The following KLHDC10 variants were observed in gnomAD, a reference collection of about 807,000 sequenced individuals.
The protein encoded by KLHDC10 is kelch domain-containing protein 10.
A neutral mutation model predicts 56.1 loss-of-function variants in KLHDC10; 24 were observed. The observed-to-expected ratio is 0.43, with a 90% CI of 0.31 to 0.60. The LOEUF (loss-of-function observed/expected upper bound fraction) is 0.60. Among genes scored for constraint, KLHDC10 ranks in the 20% least tolerant of loss-of-function variants. The pLI, the probability that KLHDC10 is intolerant of heterozygous loss-of-function variation, is 0.11. For missense variants in KLHDC10, 349 were observed against 567.0 expected (o/e 0.62, Z 3.91); for synonymous variants, 188 against 207.1 (o/e 0.91, Z 0.79).
chr7:130,126,402 G>A (rs190853183), intron 7 of KLHDC10, among the ~76,000 whole-genome samples: 45 of 152,306 alleles, frequency 3.0e-4, no homozygotes, highest in Non-Finnish European at 4.3e-4. Flanking sequence ...AGGGCTGGGC[G>A]TGGTGGCTCA....
At chr7:130,080,534 A>G (rs937697771) in intron 1 of KLHDC10, among the ~76,000 whole-genome samples, 1 of 152,012 alleles carries the variant, frequency 6.6e-6, no homozygotes, top group Admixed American at 6.6e-5. Flanking sequence ...CTGGGACTAC[A>G]GGTGTACACC....
chr7:130,099,699 G>A (rs1284043961), intron 2 of KLHDC10, among the ~76,000 whole-genome samples: 1 of 152,230 alleles, frequency 6.6e-6, no homozygotes, highest in Admixed American at 6.5e-5. Flanking sequence ...AAAAGAGGCT[G>A]GAGAGGGCCC....
chr7:130,102,948 C>T (rs1469363054), intron 2 of KLHDC10, among the ~76,000 whole-genome samples: 3 of 152,154 alleles, frequency 2.0e-5, no homozygotes, highest in Non-Finnish European at 4.4e-5. Context: ...TTAAACAATA[C>T]ACTTAAGACT....
intron 3 of KLHDC10, among the ~76,000 whole-genome samples, chr7:130,119,408 A>G (rs7789865): frequency 0.013 from 1,972 of 151,884 alleles, 43 homozygotes; most frequent in African/African-American, 0.045. Context: ...GCTACTTGGG[A>G]AATTGAGGCA....
At chr7:130,077,657 G>A (rs1334386086) in intron 1 of KLHDC10, among the ~76,000 whole-genome samples, 1 of 145,290 alleles carries the variant, frequency 6.9e-6, no homozygotes, top group Non-Finnish European at 1.5e-5. Flanking sequence ...CCGGGTTCAC[G>A]CCATTCTCCT....
chr7:130,103,786 C>T (rs982626803), intron 2 of KLHDC10, among the ~76,000 whole-genome samples: 5 of 152,066 alleles, frequency 3.3e-5, no homozygotes, highest in African/African-American at 1.2e-4. Flanking sequence ...TGAAGATGTA[C>T]TCTGGTAAAA....
In KLHDC10 at chr7:130,070,685, A is replaced by G; in HGVS notation, c.42A>G (p.Gly14=). The G allele has an allele frequency of 1.5e-6, 2 of 1,296,906 alleles. No homozygotes were observed. Among genetic ancestry groups the G allele is most frequent in the Non-Finnish European group, 2.0e-6 (2 of 1,016,838 alleles). 80.3% of individuals were successfully genotyped at this position (1,296,906 alleles called of 1,614,324 possible). The change falls in exon 1 of 10, where the codon GGA becomes GGG. Residue 14 remains glycine (G), a synonymous_variant. Transcript: ENST00000335420. ...GCTGGGACAGGAACCGCCGGAGGGGAGGAGGCGCCGCCGGCGCTGGTGGCG... is the reference window on the plus strand; with the variant it reads ...GCTGGGACAGGAACCGCCGGAGGGGGGGAGGCGCCGCCGGCGCTGGTGGCG... ...AQGWDRNRRR[G]GGAAGAGGGG... is the part of the protein sequence containing the mutation.
chr7:130,096,550 G>T (rs1795851694), intron 1 of KLHDC10, among the ~76,000 whole-genome samples: 1 of 152,098 alleles, frequency 6.6e-6, no homozygotes, highest in Non-Finnish European at 1.5e-5. Flanking sequence ...ATTAGTTTCA[G>T]AGCTCCATTT....
chr7:130,072,983 T>G (rs1795439388), intron 1 of KLHDC10, among the ~76,000 whole-genome samples: 1 of 152,084 alleles, frequency 6.6e-6, no homozygotes, highest in African/African-American at 2.4e-5. Context: ...CTTGAACTCC[T>G]GACCTCAGGT....
intron 6 of KLHDC10, 108 bp from the exon 7 acceptor site, chr7:130,125,757 C>G (rs936725720): frequency 1.2e-6 from 1 of 861,340 alleles, no homozygotes; most frequent in Admixed American, 3.0e-5. Context: ...TTGCTGTGAA[C>G]TGAAAACTGC....
intron 6 of KLHDC10, 62 bp downstream of exon 6, chr7:130,124,597 C>A: frequency 1.2e-6 from 1 of 825,576 alleles, no homozygotes. Flanking sequence ...CTTGCGTCAA[C>A]CAAGCAAGAT....
At chr7:130,111,891 A>G (rs1796106522) in intron 2 of KLHDC10, among the ~76,000 whole-genome samples, 1 of 152,194 alleles carries the variant, frequency 6.6e-6, no homozygotes, top group Non-Finnish European at 1.5e-5. Flanking sequence ...ACCAATTTAT[A>G]CCCATCAGAT....
chr7:130,104,539 G>C lies in KLHDC10; in HGVS notation c.253+7532G>C, dbSNP rs144619081. ...GAGAGAATGTATGTAAGAGGCTTAA[G>C]CAGGTGTTCTTAATCTGTTCTTGCA... is the stretch of plus-strand genomic sequence containing the variant. On this transcript the variant is annotated intron_variant, in intron 2 of 9. Transcript: ENST00000335420. Among the ~76,000 whole-genome samples, 77 of 152,328 alleles carry C rather than the reference G, an allele frequency of 5.1e-4. 1 individual carries two copies. Among genetic ancestry groups the C allele is most frequent in the Middle Eastern group, 3.4e-3 (1 of 294 alleles).
In KLHDC10 at chr7:130,130,058, T is replaced by G. The variant is rs1796375922; in HGVS notation, c.1120-479T>G. 6.6e-6 allele frequency among the ~76,000 whole-genome samples: 1 copy of G among 152,124 alleles called. No homozygotes were observed. ...TAGGCCGGGCGCGGTGGCTCAGGCCTGTAATCCCAGCACTTTGGGAGGCCA... is the reference window on the plus strand; with the variant it reads ...TAGGCCGGGCGCGGTGGCTCAGGCCGGTAATCCCAGCACTTTGGGAGGCCA... On this transcript the variant is annotated intron_variant, in intron 9 of 9. Coordinates refer to ENST00000335420, the MANE Select transcript of KLHDC10 (RefSeq NM_014997.4). This position sits in a 1 kb window ranked among gnomAD's most constrained non-coding sequence, Gnocchi z 4.2.
chr7:130,086,215 C>G (rs1795688136), intron 1 of KLHDC10, among the ~76,000 whole-genome samples: 1 of 151,940 alleles, frequency 6.6e-6, no homozygotes, highest in South Asian at 2.1e-4. Context: ...AGTCTTCTGC[C>G]CAATTTTTAA....
chr7:130,080,935 T>G (rs1795594897), intron 1 of KLHDC10, among the ~76,000 whole-genome samples: 1 of 152,118 alleles, frequency 6.6e-6, no homozygotes, highest in South Asian at 2.1e-4. Flanking sequence ...TATAACCGGC[T>G]CTTGGATTTT....
chr7:130,120,646 T>C lies in KLHDC10; in HGVS notation c.476-103T>C. ...CAGTGGTTTGAGCTATCTTATGAGA[T>C]CATTAAAGCAGATATGTGTAGCTTC... is the stretch of plus-strand genomic sequence containing the variant. On this transcript the variant is annotated intron_variant, in intron 3 of 9. Transcript: ENST00000335420. This position sits in a 1 kb window ranked among gnomAD's most constrained non-coding sequence, Gnocchi z 5.1. 8.1e-7 allele frequency: 1 copy of C among 1,229,708 alleles called. No homozygotes were observed. The highest frequency in any genetic ancestry group is 2.0e-5 in the Admixed American group (1 of 50,588). 76.2% of individuals were successfully genotyped at this position (1,229,708 alleles called of 1,614,324 possible).
intron 2 of KLHDC10, among the ~76,000 whole-genome samples, chr7:130,100,645 T>C (rs1230397607): frequency 6.6e-6 from 1 of 152,132 alleles, no homozygotes; most frequent in East Asian, 1.9e-4. Flanking sequence ...CTTCAATAGG[T>C]TGTGTGGTTT....
In KLHDC10 at chr7:130,134,046, G is replaced by A. The variant is rs1025552397; in HGVS notation, c.*3300G>A. On this transcript the variant is annotated 3_prime_UTR_variant, in exon 10 of 10. Transcript: ENST00000335420. ...ATTAACATTTTTAAGCAAAAGATACGTTAACAGTGACCTTTGGTTATCCAC... is the reference window on the plus strand; with the variant it reads ...ATTAACATTTTTAAGCAAAAGATACATTAACAGTGACCTTTGGTTATCCAC... 8 of 152,152 alleles carry A rather than the reference G, an allele frequency of 5.3e-5. No individual in the cohort carries two copies. Among genetic ancestry groups the A allele is most frequent in the African/African-American group, 1.2e-4 (5 of 41,430 alleles). 9.4% of individuals were successfully genotyped at this position (152,152 alleles called of 1,614,324 possible).
Sources: gnomAD v4.1 joint callset for allele counts (sites outside exome capture counted in the v4.1 genomes callset) on GRCh38, gnomAD v4.1.1 for gene constraint, Gnocchi (gnomAD v3.1) non-coding constraint, MANE v1.5 for transcripts, NCBI Gene and HGNC (gene_info 2026-07-23, HGNC 2026-07-21) for gene names.